TBX18: variants seen among roughly 807,000 people sequenced by gnomAD.
TBX18 encodes the protein T-box transcription factor TBX18.
A neutral mutation model predicts 55.0 loss-of-function variants in TBX18; 21 were observed. The observed-to-expected ratio is 0.38, with a 90% confidence interval of 0.27 to 0.55. The LOEUF (loss-of-function observed/expected upper bound fraction) is 0.55, where lower values mean the gene tolerates loss of function less well. Among genes scored for constraint, TBX18 ranks in the 20% least tolerant of loss-of-function variants. The pLI is 0.73. For synonymous variants in TBX18, 342 were observed against 326.1 expected, an observed-to-expected ratio of 1.05 and a Z score of -0.53; for missense variants, 840 against 799.6, an observed-to-expected ratio of 1.05 and a Z score of -0.61.
intron 2 of TBX18, 57 bp from the exon 3 acceptor site, chr6:84,760,413 G>A: frequency 8.3e-7 from 1 of 1,206,136 alleles, no homozygotes; most frequent in Non-Finnish European, 1.2e-6. Flanking sequence ...GACTAAGGAT[G>A]GAGCGTGAAT....
At chr6:84,746,593 T>C (rs35628083) in intron 5 of TBX18, among the ~76,000 whole-genome samples, 2 of 146,936 alleles carry the variant, frequency 1.4e-5, no homozygotes, top group Non-Finnish European at 3.0e-5. Context: ...TTATATAATG[T>C]ATATATCTTA....
At chr6:84,763,004 G>A in intron 1 of TBX18, 1 of 554,460 alleles carries the variant, frequency 1.8e-6, no homozygotes, top group Admixed American at 3.4e-5. Flanking sequence ...CGCGCGGGCA[G>A]CGTCCACCCC....
At position 84,764,184 on chromosome 6, in the gene TBX18, C is replaced by A. The variant is rs1767752518; in HGVS notation, c.-3G>T. On this transcript the variant is annotated 5_prime_UTR_variant, in exon 1 of 8. Transcript: ENST00000369663. ...GAGCCCCTTCGCTTCTCGGCCATCC[C>A]CCCCGCCCCGCGCCCGCCCGCCCCT... The A allele has an allele frequency of 1.4e-6, 2 of 1,449,412 alleles. No homozygotes were observed. Among genetic ancestry groups the A allele is most frequent in the Non-Finnish European group, 1.8e-6 (2 of 1,109,522 alleles). 89.8% of individuals were successfully genotyped at this position (1,449,412 alleles called of 1,614,324 possible).
At position 84,735,509 on chromosome 6, in the gene TBX18, G is replaced by C. The variant is rs1039937067; in HGVS notation, c.*1176C>G. ...AGCTCCCAAAAGACAGATTGCTGGAGATAACCTACTGAAATTCCTCACCGT... is the reference window on the plus strand; with the variant it reads ...AGCTCCCAAAAGACAGATTGCTGGACATAACCTACTGAAATTCCTCACCGT... On this transcript the variant is annotated 3_prime_UTR_variant, in exon 8 of 8. Transcript: ENST00000369663. 6.6e-6 allele frequency: 1 copy of C among 152,134 alleles called. No homozygotes were observed. Among genetic ancestry groups the C allele is most frequent in the Non-Finnish European group, 1.5e-5 (1 of 68,024 alleles). The allele number at this position is 152,134 out of a possible 1,614,324, so 9.4% of individuals were successfully genotyped here.
chr6:84,760,191 C>T lies in TBX18; in HGVS notation c.599+64G>A. 3.0e-6 allele frequency: 3 copies of T among 989,542 alleles called. No individual in the cohort carries two copies. In the South Asian group the frequency reaches 7.5e-5, roughly 25 times the overall value. The allele number at this position is 989,542 out of a possible 1,614,324, so 61.3% of individuals were successfully genotyped here. A position where few individuals can be genotyped will look rare whatever the true frequency, so the allele number is the denominator to read the frequency against. ...AAGATCACAGTCCTCACAGATCAAA[C>T]AGGCACTAGCCTGCAAAATCCTAGT... is the stretch of plus-strand genomic sequence containing the variant. On this transcript the variant is annotated intron_variant, in intron 3 of 7. Transcript: ENST00000369663.
At chr6:84,760,886 A>G (rs1327772916) in intron 2 of TBX18, among the ~76,000 whole-genome samples, 2 of 152,206 alleles carry the variant, frequency 1.3e-5, no homozygotes, top group Non-Finnish European at 2.9e-5. Context: ...GTGAAGTGCA[A>G]AAGTTGCTCT....
intron 2 of TBX18, 34 bp from the exon 3 acceptor site, chr6:84,760,390 G>A: frequency 6.6e-7 from 1 of 1,516,664 alleles, no homozygotes; most frequent in Non-Finnish European, 9.0e-7. Context: ...GAGGGTTTGG[G>A]GTTTTTGTTT....
At chr6:84,742,784 G>GA (rs1767080774) in intron 6 of TBX18, among the ~76,000 whole-genome samples, 1 of 151,980 alleles carries the variant, frequency 6.6e-6, no homozygotes, top group African/African-American at 2.4e-5. Context: ...AGTAATACAA[G>GA]ACTCTTAAAT....
Position 84,757,751 on chromosome 6 carries a change from TATTAAG to T in TBX18, c.600-888_600-883del, listed in dbSNP as rs531551596. 7.9e-4 allele frequency among the ~76,000 whole-genome samples: 120 copies of T among 152,038 alleles called. No individual in the cohort carries two copies. The Middle Eastern group carries it at 0.01, about 13-fold the overall frequency. On this transcript the variant is annotated intron_variant, in intron 3 of 7. Transcript: ENST00000369663. Reference sequence around the variant, plus strand: ...AGTAAGAAATATTAATATTTAACTATATTAAGATTACCATTTATTAATAATTTAAAA... The same window carrying T: ...AGTAAGAAATATTAATATTTAACTATATTACCATTTATTAATAATTTAAAA...
chr6:84,763,799 G>A, intron 1 of TBX18, 91 bp downstream of exon 1: 1 of 1,426,566 alleles, frequency 7.0e-7, no homozygotes, highest in Non-Finnish European at 9.1e-7. Context: ...CCTTGGCCAT[G>A]TAGGGACGCG....
chr6:84,760,242 C>A lies in TBX18; in HGVS notation c.599+13G>T. ...GTTTTTTTTTTTAATTGTTCAGTAT[C>A]TAATCACTGTACCTGTATCTTTTGT... On this transcript the variant is annotated intron_variant, in intron 3 of 7. Coordinates refer to ENST00000369663, the MANE Select transcript of TBX18 (RefSeq NM_001080508.3). 6.6e-7 allele frequency: 1 copy of A among 1,508,716 alleles called. No individual in the cohort carries two copies. The highest frequency in any genetic ancestry group is 1.9e-5 in the Admixed American group (1 of 51,382). 93.5% of individuals were successfully genotyped at this position (1,508,716 alleles called of 1,614,324 possible).
In TBX18 at chr6:84,732,797, T is replaced by G. The variant is rs1310009882; in HGVS notation, c.*3888A>C. 3 of 148,936 alleles carry G rather than the reference T, an allele frequency of 2.0e-5. No individual in the cohort carries two copies. The highest frequency in any genetic ancestry group is 7.5e-5 in the African/African-American group (3 of 39,966). 9.2% of individuals were successfully genotyped at this position (148,936 alleles called of 1,614,324 possible). On this transcript the variant is annotated 3_prime_UTR_variant, in exon 8 of 8. Transcript: ENST00000369663. ...TGAAAATAATACTGATAGTGTTATA[T>G]TCTTTGTAAAGCCACAGATACAGTA...
At chr6:84,761,232 T>C (rs912873369) in intron 2 of TBX18, among the ~76,000 whole-genome samples, 15 of 152,214 alleles carry the variant, frequency 9.9e-5, no homozygotes, top group African/African-American at 3.6e-4. Context: ...TCCAAGGAAA[T>C]CTAATTTTTG....
At chr6:84,737,529 G>A (rs964340905) in intron 7 of TBX18, 120 bp from the exon 8 acceptor site, 37 of 1,096,232 alleles carry the variant, frequency 3.4e-5, no homozygotes, top group Non-Finnish European at 4.5e-5. Flanking sequence ...CTACAGAGAT[G>A]AAAAGGAGAT....
chr6:84,744,983 G>A (rs769033995), intron 5 of TBX18, among the ~76,000 whole-genome samples: 1 of 152,032 alleles, frequency 6.6e-6, no homozygotes, highest in African/African-American at 2.4e-5. Flanking sequence ...AGGTTCTAAT[G>A]AATCAAATCT....
intron 2 of TBX18, among the ~76,000 whole-genome samples, chr6:84,760,926 A>C (rs561210021): frequency 6.6e-6 from 1 of 152,194 alleles, no homozygotes; most frequent in Non-Finnish European, 1.5e-5. Context: ...AAACTTCTTT[A>C]TTGAAAGCAG....
At chr6:84,749,605 A>G (rs900073425) in intron 4 of TBX18, among the ~76,000 whole-genome samples, 3 of 152,034 alleles carry the variant, frequency 2.0e-5, no homozygotes, top group Admixed American at 1.3e-4. Flanking sequence ...GGAAAGGACA[A>G]CAGGGGAAAA....
At chr6:84,762,435 C>A (rs1767675167) in intron 2 of TBX18, 109 bp downstream of exon 2, 3 of 1,331,434 alleles carry the variant, frequency 2.3e-6, no homozygotes, top group Admixed American at 3.4e-5. Flanking sequence ...ACCGAAAATG[C>A]TATCCAGAAC....
chr6:84,747,151 G>A (rs542063856), intron 5 of TBX18, among the ~76,000 whole-genome samples: 1 of 151,076 alleles, frequency 6.6e-6, no homozygotes, highest in South Asian at 2.1e-4. Context: ...AAGAGAAATG[G>A]AGACCCAGAA....
Sources: gnomAD v4.1 joint callset for allele counts (sites outside exome capture counted in the v4.1 genomes callset) on GRCh38, gnomAD v4.1.1 for gene constraint, MANE v1.5 for transcripts, NCBI Gene and HGNC (gene_info 2026-07-23, HGNC 2026-07-21) for gene names.